The following DNAJC13 variants were observed in gnomAD, a reference collection of about 807,000 sequenced individuals.
DNAJC13 encodes DnaJ heat shock protein family (Hsp40) member C13, also known as dnaJ homolog subfamily C member 13.
DNAJC13 carries 75 observed loss-of-function variants against 290.5 expected under a neutral mutation model. The observed-to-expected ratio is 0.26, with a 90% confidence interval of 0.21 to 0.31. The LOEUF (loss-of-function observed/expected upper bound fraction) is 0.31. DNAJC13 is among the 10% of genes least tolerant of loss of function. The probability of loss-of-function intolerance (pLI) is 1.00; values close to 1 mark genes in which losing one functional copy is unlikely to be tolerated. For missense variants in DNAJC13, 2,260 were observed against 2,674.5 expected, an observed-to-expected ratio of 0.85 and a Z score of 3.42; for synonymous variants, 862 against 892.0, an observed-to-expected ratio of 0.97 and a Z score of 0.60.
chr3:132,462,365 T>G, intron 15 of DNAJC13, 102 bp from the exon 16 acceptor site: 2 of 1,133,456 alleles, frequency 1.8e-6, no homozygotes, highest in Non-Finnish European at 2.6e-6. Context: ...TTGTGGCTTA[T>G]ACCTTGTGTA....
chr3:132,443,147 TA>T (rs775714223), intron 2 of DNAJC13, among the ~76,000 whole-genome samples: 2 of 152,152 alleles, frequency 1.3e-5, no homozygotes, highest in Non-Finnish European at 2.9e-5. Flanking sequence ...GTTGACTTAG[TA>T]AAAGATAAAA....
At position 132,505,297 on chromosome 3, in the gene DNAJC13, C is replaced by T. The variant is rs973457082; in HGVS notation, c.4885-5C>T. 6.4e-7 allele frequency: 1 copy of T among 1,555,894 alleles called. No individual in the cohort carries two copies. The highest frequency in any genetic ancestry group is 1.1e-5 in the South Asian group (1 of 87,626). On this transcript the variant is annotated splice_polypyrimidine_tract_variant and splice_region_variant and intron_variant, in intron 41 of 55. Transcript: ENST00000260818. ...ATGTTATAAAACGGTAATATTGTCT[C>T]CTAGATTTTGAAGATGCTTAACAGC...
chr3:132,500,261 T>C (rs1319021167), intron 38 of DNAJC13, among the ~76,000 whole-genome samples: 1 of 152,332 alleles, frequency 6.6e-6, no homozygotes, highest in Non-Finnish European at 1.5e-5. Context: ...GTCTTTCTAT[T>C]TGACCTTTTG....
intron 8 of DNAJC13, 106 bp from the exon 9 acceptor site, chr3:132,453,960 C>A: frequency 3.3e-6 from 3 of 914,504 alleles, no homozygotes; most frequent in Non-Finnish European, 5.0e-6. Flanking sequence ...AAACAAGTCA[C>A]ATCTTAAAAT....
At chr3:132,490,004 T>C (rs959196414) in intron 31 of DNAJC13, among the ~76,000 whole-genome samples, 1 of 152,202 alleles carries the variant, frequency 6.6e-6, no homozygotes, top group Non-Finnish European at 1.5e-5. Context: ...TGAATAATTA[T>C]AGCAAAACAG....
rs971986259 is a variant in DNAJC13, at chr3:132,510,918, A to G, written c.5116-149A>G. 1.9e-5 allele frequency: 15 copies of G among 783,304 alleles called. No individual in the cohort carries two copies. In the African/African-American group the frequency reaches 2.2e-4, roughly 12 times the overall value. 48.5% of individuals were successfully genotyped at this position (783,304 alleles called of 1,614,324 possible). A position where few individuals can be genotyped will look rare whatever the true frequency, so the allele number is the denominator to read the frequency against. On this transcript the variant is annotated intron_variant, in intron 43 of 55. Coordinates refer to ENST00000260818, the MANE Select transcript of DNAJC13 (RefSeq NM_015268.4). Reference sequence around the variant, plus strand: ...TACTTTATAATGTTTCCTGCCCTCTACATCCCCCCTATAGTGCATAGGTGT... The same window carrying G: ...TACTTTATAATGTTTCCTGCCCTCTGCATCCCCCCTATAGTGCATAGGTGT...
At chr3:132,434,382 C>A (rs1224043052) in intron 1 of DNAJC13, among the ~76,000 whole-genome samples, 156 bp from the exon 2 acceptor site, 6 of 145,654 alleles carry the variant, frequency 4.1e-5, no homozygotes, top group Admixed American at 2.0e-4. Flanking sequence ...CGAGACTCAT[C>A]TCAAAAAAAA....
intron 20 of DNAJC13, chr3:132,472,695 A>T: frequency 1.4e-6 from 1 of 693,970 alleles, no homozygotes; most frequent in South Asian, 6.4e-5. Context: ...ATGTAGACAC[A>T]TTTCTTCTCC....
intron 55 of DNAJC13, among the ~76,000 whole-genome samples, chr3:132,531,780 G>A (rs1407956807): frequency 5.3e-5 from 8 of 150,432 alleles, no homozygotes; most frequent in Non-Finnish European, 1.2e-4. Context: ...CTGGGCGACA[G>A]AGCAAGACTC....
intron 1 of DNAJC13, among the ~76,000 whole-genome samples, chr3:132,431,583 A>C (rs1042363889): frequency 1.3e-5 from 2 of 152,184 alleles, no homozygotes; most frequent in Non-Finnish European, 2.9e-5. Context: ...AGGACGAATG[A>C]AGACAGCAAT....
intron 1 of DNAJC13, among the ~76,000 whole-genome samples, chr3:132,430,386 C>T (rs1231353778): frequency 6.6e-6 from 1 of 151,666 alleles, no homozygotes; most frequent in Non-Finnish European, 1.5e-5. Flanking sequence ...TTCTTATTCC[C>T]CCCTATGGGT....
At position 132,500,928 on chromosome 3, in the gene DNAJC13, T is replaced by C; in HGVS notation, c.4536+15T>C. 1 of 1,612,996 alleles carries C rather than the reference T, an allele frequency of 6.2e-7. No homozygotes were observed. Among genetic ancestry groups the C allele is most frequent in the Non-Finnish European group, 8.5e-7 (1 of 1,179,306 alleles). On this transcript the variant is annotated intron_variant, in intron 39 of 55. Coordinates refer to ENST00000260818, the MANE Select transcript of DNAJC13 (RefSeq NM_015268.4). Reference sequence around the variant, plus strand: ...ATTTTGGCAAGGTAGGGTTAATCTTTAATGCTTTCTAGATACAGACAGCAA... The same window carrying C: ...ATTTTGGCAAGGTAGGGTTAATCTTCAATGCTTTCTAGATACAGACAGCAA...
At position 132,479,305 on chromosome 3, in the gene DNAJC13, A is replaced by G. The variant is rs1301670474; in HGVS notation, c.2772+16A>G. The stretch of plus-strand genomic sequence containing the variant: ...CCTTAATAAGGTACAGTAGTTTCGC[A>G]TACATACATTGTTATTTCCAAGTCA... On this transcript the variant is annotated intron_variant, in intron 25 of 55. Transcript: ENST00000260818. The G allele has an allele frequency of 2.0e-6, 3 of 1,533,226 alleles. No individual in the cohort carries two copies. The highest frequency in any genetic ancestry group is 1.1e-5 in the South Asian group (1 of 88,752). 95.0% of individuals were successfully genotyped at this position (1,533,226 alleles called of 1,614,324 possible). A position where few individuals can be genotyped will look rare whatever the true frequency, so the allele number is the denominator to read the frequency against.
chr3:132,471,917 T>C (rs1333888041), intron 20 of DNAJC13, among the ~76,000 whole-genome samples: 1 of 143,850 alleles, frequency 7.0e-6, no homozygotes, highest in Non-Finnish European at 1.6e-5. Flanking sequence ...TAGGTTGTAG[T>C]GAGCCGAGAT....
rs1219048500 is a variant in DNAJC13 at position 132,525,025 on chromosome 3, C to A, written c.6061-585C>A. ...ATGGTCTAAAAATTTCTAGTAATAT[C>A]ATTTGGGACATGATCTCTTAAACCT... On this transcript the variant is annotated intron_variant, in intron 51 of 55. Transcript: ENST00000260818. Among the ~76,000 whole-genome samples, 4 of 152,266 alleles carry A rather than the reference C, an allele frequency of 2.6e-5. No individual in the cohort carries two copies. In the East Asian group the frequency reaches 5.8e-4, roughly 22 times the overall value.
rs529289199 is a variant in DNAJC13, at chr3:132,524,031, G to C, written c.6060+318G>C. The C allele has an allele frequency of 1.9e-5, 4 of 205,886 alleles. No homozygotes were observed. In the South Asian group the frequency reaches 4.6e-4, roughly 24 times the overall value. The allele number at this position is 205,886 out of a possible 1,614,324, so 12.8% of individuals were successfully genotyped here. A position where few individuals can be genotyped will look rare whatever the true frequency, so the allele number is the denominator to read the frequency against. On this transcript the variant is annotated intron_variant, in intron 51 of 55. Transcript: ENST00000260818. The stretch of plus-strand genomic sequence containing the variant: ...AATATGTAATTTTAAGGAGAAACCT[G>C]TGTGTTCGGTGTTCCTCTGAGAGTG...
At chr3:132,462,285 C>G (rs985739113) in intron 15 of DNAJC13, among the ~76,000 whole-genome samples, 182 bp from the exon 16 acceptor site, 3 of 152,086 alleles carry the variant, frequency 2.0e-5, no homozygotes, top group African/African-American at 7.2e-5. Flanking sequence ...GTCTGTATCT[C>G]TAAGGCTATA....
At chr3:132,422,567 T>C (rs1191305703) in intron 1 of DNAJC13, among the ~76,000 whole-genome samples, 1 of 152,232 alleles carries the variant, frequency 6.6e-6, no homozygotes, top group African/African-American at 2.4e-5. Flanking sequence ...TATGCCAATT[T>C]ATAACACTTC....
At chr3:132,527,611 C>T (rs1046101011) in intron 53 of DNAJC13, among the ~76,000 whole-genome samples, 10 of 152,160 alleles carry the variant, frequency 6.6e-5, no homozygotes, top group African/African-American at 2.4e-4. Context: ...GTGACTATCT[C>T]ACAAGGTTGT....
Sources: gnomAD v4.1 joint callset for allele counts (sites outside exome capture counted in the v4.1 genomes callset) on GRCh38, gnomAD v4.1.1 for gene constraint, MANE v1.5 for transcripts, NCBI Gene and HGNC (gene_info 2026-07-23, HGNC 2026-07-21) for gene names.